BICD2: variants seen among roughly 807,000 people sequenced by gnomAD.
BICD2 encodes the protein BICD cargo adaptor 2.
A neutral mutation model predicts 72.9 loss-of-function variants in BICD2; 25 were observed. The ratio of observed to expected loss-of-function variants is 0.34; its 90% CI spans 0.25 to 0.48. BICD2 has a LOEUF of 0.48. Among genes scored for constraint, BICD2 ranks in the 20% least tolerant of loss-of-function variants. BICD2 has a pLI of 0.99. For missense variants in BICD2, 894 were observed against 1,175.2 expected (o/e 0.76, Z 3.50); for synonymous variants, 501 against 516.1 (o/e 0.97, Z 0.40).
chr9:92,761,269 C>A (rs554049783), intron 1 of BICD2, among the ~76,000 whole-genome samples: 1 of 152,154 alleles, frequency 6.6e-6, no homozygotes, highest in Admixed American at 6.5e-5. Context: ...AGGATAAGAA[C>A]GGGGAGAAGC....
At chr9:92,749,307 T>C (rs1854096686) in intron 1 of BICD2, among the ~76,000 whole-genome samples, 1 of 152,214 alleles carries the variant, frequency 6.6e-6, no homozygotes. Flanking sequence ...CAGGCCCATC[T>C]GTCCCTCACA....
chr9:92,719,303 C>T lies in BICD2; in HGVS notation c.1342G>A (p.Glu448Lys), dbSNP rs765057014. The T allele has an allele frequency of 8.7e-6, 14 of 1,613,852 alleles. No individual in the cohort carries two copies. The highest frequency in any genetic ancestry group is 5.3e-5 in the African/African-American group (4 of 74,950). ...AGTGCCTTGAGCTGCTCGCGGAGCT[C>T]GCCAGCCTCAGCCACAGCCACATGG... ...KYHVAVAEAG[E>K]LREQLKALRS... Residue 448 changes from glutamate (E) to lysine (K), a missense_variant, in exon 5 of 7, where the codon GAG becomes AAG. Physicochemically the swap from Glu to Lys is moderately conservative, Grantham distance 56 (BLOSUM62 1). Around this residue, in one of 5 missense-constraint regions of BICD2, gnomAD observed 371 missense variants for 439.1 expected, o/e 0.84. Transcript: ENST00000356884.
Position 92,715,461 on chromosome 9 carries a change from C to A in BICD2, c.2261G>T (p.Cys754Phe). 6.3e-7 allele frequency: 1 copy of A among 1,577,114 alleles called. No homozygotes were observed. The change falls in exon 7 of 7, where the codon TGT becomes TTT. Residue 754 changes from cysteine to phenylalanine, a missense_variant and splice_region_variant. Physicochemically the swap from Cys to Phe is radical, Grantham distance 205 (BLOSUM62 -2). Coordinates refer to ENST00000356884, the MANE Select transcript of BICD2 (RefSeq NM_001003800.2). ...ATCCAGCTGTGTAATGTACTCGTCACACCTGTGGGTACCAAAAACATGACT... is the reference window on the plus strand; with the variant it reads ...ATCCAGCTGTGTAATGTACTCGTCAAACCTGTGGGTACCAAAAACATGACT... ...SSLRAMFATR[C>F]DEYITQLDEM...
chr9:92,743,081 T>C (rs901483705), intron 1 of BICD2, among the ~76,000 whole-genome samples: 2 of 152,268 alleles, frequency 1.3e-5, no homozygotes, highest in African/African-American at 4.8e-5. Flanking sequence ...TCCCATTTTA[T>C]ATGTTCCCAC....
intron 1 of BICD2, among the ~76,000 whole-genome samples, chr9:92,742,377 T>TC (rs1278475675): frequency 6.6e-6 from 1 of 151,560 alleles, no homozygotes; most frequent in Non-Finnish European, 1.5e-5. Flanking sequence ...ATTCCACATT[T>TC]CTTTTTTTTT....
intron 5 of BICD2, among the ~76,000 whole-genome samples, chr9:92,718,237 CAT>C (rs1345481145): frequency 2.0e-5 from 3 of 152,240 alleles, no homozygotes; most frequent in South Asian, 2.1e-4. Context: ...ATGGCTCTCA[CAT>C]GTTTTCCCTC....
At chr9:92,753,501 T>G (rs1479031888) in intron 1 of BICD2, among the ~76,000 whole-genome samples, 1 of 152,208 alleles carries the variant, frequency 6.6e-6, no homozygotes, top group Non-Finnish European at 1.5e-5. Flanking sequence ...GTAGTTCATT[T>G]TTTAAAATTA....
chr9:92,718,456 G>A (rs1181363456), intron 5 of BICD2, 83 bp downstream of exon 5: 13 of 1,504,058 alleles, frequency 8.6e-6, no homozygotes, highest in Non-Finnish European at 9.8e-6. Flanking sequence ...GGGGCCCCGT[G>A]GCAGGGGGAG....
In BICD2 at chr9:92,713,589, G is replaced by GT; in HGVS notation, c.*1564dup. On this transcript the variant is annotated 3_prime_UTR_variant, in exon 7 of 7. Coordinates refer to ENST00000356884, the MANE Select transcript of BICD2 (RefSeq NM_001003800.2). ...AGTTGGCAGAAGAGAAGACCTGCAT[G>GT]TGTTAGCAGGGGTCCCAGTGGCTTG... 1 of 1,534,954 alleles carries GT rather than the reference G, an allele frequency of 6.5e-7. No individual in the cohort carries two copies. The highest frequency in any genetic ancestry group is 2.0e-5 in the Admixed American group (1 of 50,696).
rs113539718 is a variant in BICD2 at position 92,747,856 on chromosome 9, C to T, written c.240+16649G>A. Reference sequence around the variant, plus strand: ...GGCAAGGCTCAGGAAGCATCTGTGGCATGAATGGAAGACAGACAGGGGGAA... The same window carrying T: ...GGCAAGGCTCAGGAAGCATCTGTGGTATGAATGGAAGACAGACAGGGGGAA... On this transcript the variant is annotated intron_variant, in intron 1 of 6. Transcript: ENST00000356884. Among the ~76,000 whole-genome samples the T allele has an allele frequency of 7.9e-3, 1,198 of 152,278 alleles. 15 individuals carry two copies. Among genetic ancestry groups the T allele is most frequent in the African/African-American group, 0.027 (1,122 of 41,554 alleles).
chr9:92,751,629 C>A (rs1213803464), intron 1 of BICD2, among the ~76,000 whole-genome samples: 1 of 152,012 alleles, frequency 6.6e-6, no homozygotes, highest in Non-Finnish European at 1.5e-5. Context: ...ATGGTGGGAG[C>A]CAGGTGTCTC....
intron 6 of BICD2, 39 bp from the exon 7 acceptor site, chr9:92,715,502 C>A (rs1438632486): frequency 1.9e-6 from 3 of 1,548,902 alleles, no homozygotes; most frequent in Non-Finnish European, 2.6e-6. Flanking sequence ...GCGGGCAGAG[C>A]CGAGCAGAGG....
chr9:92,736,720 T>C (rs928912754), intron 1 of BICD2, among the ~76,000 whole-genome samples: 1 of 152,174 alleles, frequency 6.6e-6, no homozygotes, highest in African/African-American at 2.4e-5. Flanking sequence ...CAGCACCACT[T>C]TCCAGTAATA....
rs1474159456 is a variant in BICD2, at chr9:92,713,191, G to A, written c.*1963C>T. On this transcript the variant is annotated 3_prime_UTR_variant, in exon 7 of 7. Coordinates refer to ENST00000356884, the MANE Select transcript of BICD2 (RefSeq NM_001003800.2). The stretch of plus-strand genomic sequence containing the variant: ...GGCGTTTCCAGTGGGCTCCTGGCGA[G>A]CCTGGCAGCCAGGGAAGAAGGGTCT... The A allele has an allele frequency of 2.1e-6, 1 of 468,518 alleles. No individual in the cohort carries two copies. Among genetic ancestry groups the A allele is most frequent in the Non-Finnish European group, 3.8e-6 (1 of 263,074 alleles). 29.0% of individuals were successfully genotyped at this position (468,518 alleles called of 1,614,324 possible). A position where few individuals can be genotyped will look rare whatever the true frequency, so the allele number is the denominator to read the frequency against.
chr9:92,723,384 A>G (rs1167116337), intron 2 of BICD2, among the ~76,000 whole-genome samples: 1 of 152,258 alleles, frequency 6.6e-6, no homozygotes, highest in Non-Finnish European at 1.5e-5. Context: ...CAGCCACAAT[A>G]AGGAATGACG....
chr9:92,747,703 G>A (rs1251109517), intron 1 of BICD2, among the ~76,000 whole-genome samples: 1 of 152,194 alleles, frequency 6.6e-6, no homozygotes, highest in Non-Finnish European at 1.5e-5. Flanking sequence ...AGTGTGGGTG[G>A]GGCAAGGCCT....
At position 92,714,540 on chromosome 9, in the gene BICD2, G is replaced by A. The variant is rs948502271; in HGVS notation, c.*614C>T. 9.1e-6 allele frequency: 9 copies of A among 985,550 alleles called. No individual in the cohort carries two copies. The South Asian group carries it at 3.8e-4, about 41-fold the overall frequency. 61.1% of individuals were successfully genotyped at this position (985,550 alleles called of 1,614,324 possible). On this transcript the variant is annotated 3_prime_UTR_variant, in exon 7 of 7. Transcript: ENST00000356884. ...TGTCTGTGCCATGTGTGTCTGGCCA[G>A]CAGAATACAGGGGCTCAGGGCTGCT... is the stretch of plus-strand genomic sequence containing the variant.
chr9:92,715,240 A>C lies in BICD2; in HGVS notation c.2482T>G (p.Cys828Gly). 2.5e-6 allele frequency: 4 copies of C among 1,613,292 alleles called. No homozygotes were observed. Among genetic ancestry groups the C allele is most frequent in the Non-Finnish European group, 3.4e-6 (4 of 1,179,926 alleles). ...TCGGCCCTGTCGCTGGCACAGGCAC[A>C]GGTGTGACTTACGCTCGGTGTGGCT... ...KPATPSVSHT[C>G]ACASDRAEGT... Residue 828 changes from cysteine to glycine, a missense_variant, in exon 7 of 7, where the codon TGT (cysteine) becomes GGT (glycine). Cys to Gly is a radical substitution (Grantham distance 159, BLOSUM62 -3). This residue lies in a region of BICD2 where 321 missense variants were observed against 443.9 expected (regional missense o/e 0.72). Transcript: ENST00000356884.
At chr9:92,716,790 C>A (rs1034888989) in intron 6 of BICD2, among the ~76,000 whole-genome samples, 1 of 152,228 alleles carries the variant, frequency 6.6e-6, no homozygotes, top group Non-Finnish European at 1.5e-5. Flanking sequence ...ACTTAGGGAG[C>A]CTCGATTCCC....
Sources: allele counts gnomAD v4.1 joint callset (sites outside exome capture counted in the v4.1 genomes callset), GRCh38; gene constraint gnomAD v4.1.1; regional missense constraint gnomAD v4.1.1; transcripts MANE v1.5; gene names NCBI Gene and HGNC (gene_info 2026-07-23, HGNC 2026-07-21).